Variants in DLGAP2 observed in about 807,000 individuals in gnomAD.
The protein encoded by DLGAP2 is disks large-associated protein 2.
DLGAP2 carries 26 observed loss-of-function variants against 100.3 expected under a neutral mutation model. That is an observed-to-expected ratio of 0.26 (90% CI 0.19 to 0.36). DLGAP2 has a LOEUF of 0.36. DLGAP2 is among the 10% of genes least tolerant of loss of function. DLGAP2 has a pLI of 1.00. For synonymous variants in DLGAP2, 886 were observed against 630.1 expected, an observed-to-expected ratio of 1.41 and a Z score of -6.08; for missense variants, 1,858 against 1,453.2, an observed-to-expected ratio of 1.28 and a Z score of -4.53.
At chr8:983,914 G>A (rs1410001372) in intron 2 of DLGAP2, among the ~76,000 whole-genome samples, 2 of 152,124 alleles carry the variant, frequency 1.3e-5, no homozygotes, top group African/African-American at 4.8e-5. Flanking sequence ...TGCTGGGAGT[G>A]CAGATGTGAG....
At chr8:1,043,604 G>C (rs1000783676) in intron 2 of DLGAP2, among the ~76,000 whole-genome samples, 4 of 152,116 alleles carry the variant, frequency 2.6e-5, no homozygotes, top group African/African-American at 9.6e-5. Context: ...CGAAAACTAG[G>C]AGGACTGCAG....
intron 3 of DLGAP2, among the ~76,000 whole-genome samples, chr8:1,359,446 C>T (rs1801927503): frequency 6.6e-6 from 1 of 152,260 alleles, no homozygotes; most frequent in African/African-American, 2.4e-5. Flanking sequence ...GGTTGGAGCC[C>T]AGGAACGTGG....
At chr8:749,414 G>C (rs773781264) in intron 1 of DLGAP2, among the ~76,000 whole-genome samples, 8 of 152,006 alleles carry the variant, frequency 5.3e-5, no homozygotes, top group Non-Finnish European at 1.0e-4. Flanking sequence ...TTTCTTTCCA[G>C]ACTTCTCCTA....
intron 2 of DLGAP2, among the ~76,000 whole-genome samples, chr8:1,025,015 G>C (rs1180662297): frequency 2.0e-5 from 3 of 152,096 alleles, no homozygotes; most frequent in South Asian, 2.1e-4. Context: ...CTCTCTCTCT[G>C]TGTCTCTGCT....
At chr8:1,345,650 G>T (rs377547493) in intron 3 of DLGAP2, among the ~76,000 whole-genome samples, 4 of 152,236 alleles carry the variant, frequency 2.6e-5, no homozygotes, top group East Asian at 3.8e-4. Flanking sequence ...CAGCCCTGAG[G>T]GATGGGCAGG....
chr8:1,000,989 C>G (rs1800939282), intron 2 of DLGAP2, among the ~76,000 whole-genome samples: 1 of 152,180 alleles, frequency 6.6e-6, no homozygotes, highest in Admixed American at 6.5e-5. Flanking sequence ...GCCGCTCACC[C>G]TGTTCGCTGT....
intron 2 of DLGAP2, among the ~76,000 whole-genome samples, chr8:1,111,542 C>T (rs1357740917): frequency 1.3e-5 from 2 of 152,178 alleles, no homozygotes; most frequent in African/African-American, 4.8e-5. Context: ...ATTTCATGGT[C>T]CCCTCCCCGC....
rs533410863 is a variant in DLGAP2 at position 1,549,320 on chromosome 8, C to G, written c.867C>G (p.Pro289=). ...KSKERKPEGK[P]RPGMSSWWSS... ...AGGAGCGCAAGCCGGAGGGCAAGCC[C>G]CGGCCCGGCATGAGCAGCTGGTGGA... The change falls in exon 5 of 15, where the codon CCC becomes CCG. Residue 289 remains proline, a synonymous_variant. Transcript: ENST00000637795. 1.2e-6 allele frequency: 2 copies of G among 1,613,010 alleles called. No homozygotes were observed. Among genetic ancestry groups the G allele is most frequent in the Admixed American group, 1.7e-5 (1 of 60,010 alleles).
intron 2 of DLGAP2, among the ~76,000 whole-genome samples, chr8:986,324 TTTTAAAAAATTTCAC>T (rs1198929334): frequency 6.6e-6 from 1 of 152,218 alleles, no homozygotes; most frequent in Non-Finnish European, 1.5e-5. Flanking sequence ...ACTTTTCTTT[TTTTAAAAAATTTCAC>T]TTTAAGTTCT....
intron 5 of DLGAP2, among the ~76,000 whole-genome samples, chr8:1,564,163 A>G (rs1382520181): frequency 6.6e-6 from 1 of 152,108 alleles, no homozygotes; most frequent in East Asian, 1.9e-4. Context: ...CGTGAGTTTG[A>G]CCTATGGAGT....
At chr8:1,690,001 T>A (rs1799215923) in intron 12 of DLGAP2, among the ~76,000 whole-genome samples, 1 of 152,178 alleles carries the variant, frequency 6.6e-6, no homozygotes, top group Non-Finnish European at 1.5e-5. Flanking sequence ...AGGATCATGG[T>A]GAGCTAGGAT....
At chr8:976,378 G>A (rs757833062) in intron 2 of DLGAP2, among the ~76,000 whole-genome samples, 6 of 152,050 alleles carry the variant, frequency 3.9e-5, no homozygotes, top group East Asian at 1.9e-4. Context: ...TTGGGAGATC[G>A]AGGCGGGCGG....
chr8:1,301,117 T>G (rs1039307971), intron 3 of DLGAP2: 5 of 152,396 alleles, frequency 3.3e-5, no homozygotes, highest in Admixed American at 1.3e-4. Context: ...GGCCATGCCA[T>G]TTCTCATAGG....
At chr8:752,049 C>A (rs926877378) in intron 1 of DLGAP2, among the ~76,000 whole-genome samples, 2 of 152,220 alleles carry the variant, frequency 1.3e-5, no homozygotes, top group African/African-American at 4.8e-5. Flanking sequence ...CCCTCCAGGG[C>A]TCTGGTGTGG....
At chr8:1,337,026 A>G (rs914583075) in intron 3 of DLGAP2, among the ~76,000 whole-genome samples, 1 of 152,210 alleles carries the variant, frequency 6.6e-6, no homozygotes, top group African/African-American at 2.4e-5. Flanking sequence ...TAGAATAGTC[A>G]TTGGTGATCA....
chr8:870,639 G>A (rs1468149838), intron 1 of DLGAP2, among the ~76,000 whole-genome samples: 1 of 151,958 alleles, frequency 6.6e-6, no homozygotes, highest in Admixed American at 6.6e-5. Flanking sequence ...CCTTCCTGTG[G>A]CCATGGCCCT....
intron 2 of DLGAP2, among the ~76,000 whole-genome samples, chr8:1,093,239 A>G (rs1585051694): frequency 6.6e-6 from 1 of 152,078 alleles, no homozygotes; most frequent in East Asian, 1.9e-4. Context: ...CCAGACAGAA[A>G]CACCTTCACA....
At chr8:796,507 C>T (rs1429796070) in intron 1 of DLGAP2, among the ~76,000 whole-genome samples, 5 of 152,164 alleles carry the variant, frequency 3.3e-5, no homozygotes, top group Non-Finnish European at 5.9e-5. Context: ...GTGTGGCCTG[C>T]TCTGTTCTCT....
chr8:1,626,869 G>T lies in DLGAP2; in HGVS notation c.1572G>T (p.Gln524His), dbSNP rs1398268276. ...SYMRAVSTLS[Q>H]ASCVSQVSEA... ...TGAGGGCCGTCAGCACCCTGAGCCA[G>T]GCCAGCTGCGTGAGCCAGGTCAGGG... Residue 524 changes from glutamine to histidine, a missense_variant, in exon 7 of 15, where the codon CAG becomes CAT. Coordinates refer to ENST00000637795, the MANE Select transcript of DLGAP2 (RefSeq NM_001346810.2). 6.2e-7 allele frequency: 1 copy of T among 1,603,934 alleles called. No homozygotes were observed. The highest frequency in any genetic ancestry group is 1.3e-5 in the African/African-American group (1 of 74,710).
Sources: allele counts gnomAD v4.1 joint callset (sites outside exome capture counted in the v4.1 genomes callset), GRCh38; gene constraint gnomAD v4.1.1; transcripts MANE v1.5; gene names NCBI Gene and HGNC (gene_info 2026-07-23, HGNC 2026-07-21).